Variants in MGAT5 observed in about 807,000 individuals in gnomAD.
The protein encoded by MGAT5 is alpha-1,6-mannosylglycoprotein 6-beta-N-acetylglucosaminyltransferase A.
A neutral mutation model predicts 94.3 loss-of-function variants in MGAT5; 30 were observed. The ratio of observed to expected loss-of-function variants is 0.32; its 90% CI spans 0.24 to 0.43. The LOEUF is 0.43. MGAT5 is among the 20% of genes least tolerant of loss of function. MGAT5 has a pLI of 1.00. For synonymous variants in MGAT5, 310 were observed against 322.9 expected (o/e 0.96, Z 0.43); for missense variants, 691 against 905.5 (o/e 0.76, Z 3.04).
At chr2:134,196,736 T>C (rs1453100237) in intron 1 of MGAT5, among the ~76,000 whole-genome samples, 1 of 152,228 alleles carries the variant, frequency 6.6e-6, no homozygotes, top group East Asian at 1.9e-4. Flanking sequence ...TAAAGTTTCT[T>C]AAAAAATGGA....
Position 134,419,442 on chromosome 2 carries a change from T to TTGTGTGTGTGTGTG in MGAT5, c.1678-3327_1678-3314dup, listed in dbSNP as rs56181696. Reference sequence around the variant, plus strand: ...ATTAGAAATACTCTGGCTTCAGGGTTTGTGTGTGTGTGTGTGTGTGTGTGT... The same window carrying TTGTGTGTGTGTGTG: ...ATTAGAAATACTCTGGCTTCAGGGTTTGTGTGTGTGTGTGTGTGTGTGTGTGTGTGTGTGTGTGT... On this transcript the variant is annotated intron_variant, in intron 12 of 15. Coordinates refer to ENST00000281923, the MANE Select transcript of MGAT5 (RefSeq NM_002410.5). Among the ~76,000 whole-genome samples, 1,048 of 134,176 alleles carry TTGTGTGTGTGTGTG rather than the reference T, an allele frequency of 7.8e-3. 8 individuals carry two copies. Among genetic ancestry groups the TTGTGTGTGTGTGTG allele is most frequent in the East Asian group, 0.017 (75 of 4,516 alleles). 88.0% of individuals were successfully genotyped at this position (134,176 alleles called of 152,430 possible). A position where few individuals can be genotyped will look rare whatever the true frequency, so the allele number is the denominator to read the frequency against.
chr2:134,134,299 G>GC (rs1197980115), intron 1 of MGAT5, among the ~76,000 whole-genome samples: 1 of 152,090 alleles, frequency 6.6e-6, no homozygotes, highest in African/African-American at 2.4e-5. Flanking sequence ...CTGGGTGCTA[G>GC]CAACAGAAAC....
chr2:134,305,715 C>T (rs1361820225), intron 2 of MGAT5, among the ~76,000 whole-genome samples: 1 of 152,034 alleles, frequency 6.6e-6, no homozygotes, highest in African/African-American at 2.4e-5. Context: ...GATATGGGTG[C>T]TCTGTGTTGC....
At chr2:134,311,044 G>T (rs987426842) in intron 2 of MGAT5, among the ~76,000 whole-genome samples, 1 of 152,216 alleles carries the variant, frequency 6.6e-6, no homozygotes, top group Non-Finnish European at 1.5e-5. Flanking sequence ...ACACAAAATA[G>T]AATTGCTGGA....
chr2:134,240,357 GT>G (rs11316083), intron 1 of MGAT5, among the ~76,000 whole-genome samples: 18,794 of 146,622 alleles, frequency 0.13, 1,364 homozygotes, highest in East Asian at 0.25. Flanking sequence ...AAATGAAAGT[GT>G]TTTTTTTTTT....
chr2:134,194,614 A>G (rs1390666607), intron 1 of MGAT5, among the ~76,000 whole-genome samples: 1 of 152,144 alleles, frequency 6.6e-6, no homozygotes, highest in African/African-American at 2.4e-5. Context: ...GGGTGTTTAG[A>G]GTCCTTGAGT....
chr2:134,430,513 A>C (rs1207060080), intron 14 of MGAT5, among the ~76,000 whole-genome samples: 1 of 152,162 alleles, frequency 6.6e-6, no homozygotes, highest in Non-Finnish European at 1.5e-5. Context: ...AGGTGACAGA[A>C]ACAATGAAGG....
intron 1 of MGAT5, among the ~76,000 whole-genome samples, chr2:134,255,533 A>G (rs1224551496): frequency 6.6e-6 from 1 of 151,478 alleles, no homozygotes; most frequent in African/African-American, 2.4e-5. Context: ...ACACATATAT[A>G]TATACATACA....
At chr2:134,434,859 C>T (rs540233123) in intron 14 of MGAT5, among the ~76,000 whole-genome samples, 3 of 152,324 alleles carry the variant, frequency 2.0e-5, no homozygotes, top group Admixed American at 6.5e-5. Context: ...TACTAGACTG[C>T]GCACTGAACC....
intron 7 of MGAT5, among the ~76,000 whole-genome samples, chr2:134,342,798 C>T (rs1490993281): frequency 6.6e-6 from 1 of 151,694 alleles, no homozygotes; most frequent in African/African-American, 2.4e-5. Context: ...CATCTGGTGT[C>T]TTCTGTAGGC....
chr2:134,315,711 T>G (rs1321796365), intron 2 of MGAT5, among the ~76,000 whole-genome samples: 1 of 152,244 alleles, frequency 6.6e-6, no homozygotes, highest in Non-Finnish European at 1.5e-5. Context: ...TAGTAAGAGC[T>G]GGATGAAATA....
At chr2:134,393,467 AC>A (rs2106259364) in intron 10 of MGAT5, among the ~76,000 whole-genome samples, 1 of 152,246 alleles carries the variant, frequency 6.6e-6, no homozygotes, top group Non-Finnish European at 1.5e-5. Context: ...AGTGCTGTTT[AC>A]CCTGCGTATA....
At chr2:134,221,665 G>T (rs1159156063) in intron 1 of MGAT5, among the ~76,000 whole-genome samples, 1 of 152,178 alleles carries the variant, frequency 6.6e-6, no homozygotes, top group Non-Finnish European at 1.5e-5. Context: ...ATATTTTGGG[G>T]TAAAACTTTT....
chr2:134,258,018 C>T (rs2105538606), intron 1 of MGAT5, among the ~76,000 whole-genome samples: 1 of 151,986 alleles, frequency 6.6e-6, no homozygotes, highest in East Asian at 1.9e-4. Flanking sequence ...TAATCAGAGG[C>T]TTTTAGGATA....
chr2:134,290,396 C>A (rs1208997410), intron 2 of MGAT5, among the ~76,000 whole-genome samples: 1 of 151,618 alleles, frequency 6.6e-6, no homozygotes, highest in African/African-American at 2.4e-5. Flanking sequence ...GTTGCACTTA[C>A]TGTGCTGCAA....
chr2:134,260,047 G>T (rs1017231506), intron 1 of MGAT5, among the ~76,000 whole-genome samples: 4 of 151,468 alleles, frequency 2.6e-5, no homozygotes, highest in South Asian at 2.1e-4. Context: ...AGCATGCCAA[G>T]GAGAAGGCAC....
rs904755563 is a variant in MGAT5 at position 134,268,614 on chromosome 2, G to C, written c.242-1772G>C. 3.3e-5 allele frequency among the ~76,000 whole-genome samples: 5 copies of C among 152,228 alleles called. No individual in the cohort carries two copies. The highest frequency in any genetic ancestry group is 6.5e-5 in the Admixed American group (1 of 15,288). ...AGCAGTGAAGCTTTGCATCACCTGA[G>C]GAGAGAGTTCTTTGGGAAGGATGAG... is the stretch of plus-strand genomic sequence containing the variant. On this transcript the variant is annotated intron_variant, in intron 1 of 15. Coordinates refer to ENST00000281923, the MANE Select transcript of MGAT5 (RefSeq NM_002410.5). This position sits in a 1 kb window ranked among gnomAD's most constrained non-coding sequence, Gnocchi z 4.1.
intron 6 of MGAT5, 68 bp from the exon 7 acceptor site, chr2:134,341,522 C>G: frequency 7.6e-7 from 1 of 1,312,360 alleles, no homozygotes; most frequent in South Asian, 1.8e-5. Context: ...TCAATCATTT[C>G]TTGGCGCATT....
intron 1 of MGAT5, among the ~76,000 whole-genome samples, chr2:134,149,677 A>G (rs1263997812): frequency 6.6e-6 from 1 of 152,280 alleles, no homozygotes; most frequent in Non-Finnish European, 1.5e-5. Context: ...TACATTGAAA[A>G]TGAGAGTTGG....
Sources: gnomAD v4.1 joint callset for allele counts (sites outside exome capture counted in the v4.1 genomes callset) on GRCh38, gnomAD v4.1.1 for gene constraint, Gnocchi (gnomAD v3.1) non-coding constraint, MANE v1.5 for transcripts, NCBI Gene and HGNC (gene_info 2026-07-23, HGNC 2026-07-21) for gene names.